ARHGEF12: variants seen among roughly 807,000 people sequenced by gnomAD.
The protein encoded by ARHGEF12 is Rho guanine nucleotide exchange factor 12, also known as KMT2A/ARHGEF12 fusion protein.
Under a neutral mutation model 211.2 loss-of-function variants are expected in ARHGEF12, and 66 were observed. The observed-to-expected ratio is 0.31, with a 90% CI of 0.26 to 0.38. The LOEUF (loss-of-function observed/expected upper bound fraction) is 0.38. Among genes scored for constraint, ARHGEF12 ranks in the 10% least tolerant of loss-of-function variants. The pLI, the probability that ARHGEF12 is intolerant of heterozygous loss-of-function variation, is 1.00. For synonymous variants in ARHGEF12, 592 were observed against 638.4 expected (o/e 0.93, Z 1.09); for missense variants, 1,429 against 1,869.5 (o/e 0.76, Z 4.34).
chr11:120,411,823 A>G (rs2135599948), intron 4 of ARHGEF12: 1 of 151,132 alleles, frequency 6.6e-6, no homozygotes, highest in African/African-American at 2.4e-5. Flanking sequence ...CAGGGGAAAA[A>G]AAAAAAAGAA....
intron 1 of ARHGEF12, among the ~76,000 whole-genome samples, chr11:120,372,214 C>A (rs952216738): frequency 2.0e-5 from 3 of 152,178 alleles, no homozygotes. Flanking sequence ...AAAATGCCTT[C>A]TAGTTACAAA....
At chr11:120,435,296 T>C (rs1945660045) in intron 11 of ARHGEF12, among the ~76,000 whole-genome samples, 2 of 152,102 alleles carry the variant, frequency 1.3e-5, no homozygotes, top group South Asian at 4.1e-4. Context: ...GTATGACATG[T>C]TCCTTTATCT....
At chr11:120,456,509 TAATA>T (rs1208231007) in intron 22 of ARHGEF12, among the ~76,000 whole-genome samples, 1 of 152,100 alleles carries the variant, frequency 6.6e-6, no homozygotes, top group African/African-American at 2.4e-5. Context: ...TAACTAAAGA[TAATA>T]AATCATGAAA....
chr11:120,454,839 G>A (rs11217874), intron 22 of ARHGEF12, among the ~76,000 whole-genome samples: 31,616 of 152,074 alleles, frequency 0.21, 3,602 homozygotes, highest in African/African-American at 0.29. Context: ...AAAAGAGAGC[G>A]AAAAGGAAGC....
At chr11:120,361,494 A>G (rs1943273498) in intron 1 of ARHGEF12, among the ~76,000 whole-genome samples, 1 of 152,176 alleles carries the variant, frequency 6.6e-6, no homozygotes, top group South Asian at 2.1e-4. Context: ...TATAGAATCT[A>G]TTCTTCTGAG....
At chr11:120,342,641 A>G (rs553493519) in intron 1 of ARHGEF12, among the ~76,000 whole-genome samples, 134 of 152,192 alleles carry the variant, frequency 8.8e-4, no homozygotes, top group African/African-American at 3.1e-3. Flanking sequence ...GGTCATTTTG[A>G]TTCACTTTTA....
chr11:120,478,477 A>C, intron 37 of ARHGEF12, 88 bp downstream of exon 37: 1 of 1,207,696 alleles, frequency 8.3e-7, no homozygotes, highest in Admixed American at 1.9e-5. Flanking sequence ...ATCAAACTCC[A>C]CTTATTCTTC....
At chr11:120,388,110 CCCAGGTG>C (rs1944096157) in intron 1 of ARHGEF12, among the ~76,000 whole-genome samples, 2 of 152,124 alleles carry the variant, frequency 1.3e-5, no homozygotes, top group Non-Finnish European at 2.9e-5. Flanking sequence ...CTCACCTATC[CCCAGGTG>C]TACCCATTGA....
At chr11:120,415,509 G>A (rs1288070052) in intron 4 of ARHGEF12, among the ~76,000 whole-genome samples, 1 of 152,168 alleles carries the variant, frequency 6.6e-6, no homozygotes, top group Non-Finnish European at 1.5e-5. Context: ...ATAGTACAAA[G>A]ATATGATAAT....
intron 28 of ARHGEF12, among the ~76,000 whole-genome samples, chr11:120,466,208 C>T (rs918056141): frequency 6.6e-6 from 1 of 152,254 alleles, no homozygotes; most frequent in Non-Finnish European, 1.5e-5. Flanking sequence ...CTGCAGTTTT[C>T]ATCTGATGCT....
chr11:120,430,311 CTTAGAGAGAG>C (rs1230509022), intron 10 of ARHGEF12, among the ~76,000 whole-genome samples: 2 of 152,000 alleles, frequency 1.3e-5, no homozygotes, highest in African/African-American at 4.8e-5. Context: ...TACATATATA[CTTAGAGAGAG>C]TTAGAGAGAT....
intron 30 of ARHGEF12, among the ~76,000 whole-genome samples, chr11:120,470,855 G>C (rs1186971213): frequency 3.3e-5 from 5 of 152,194 alleles, no homozygotes; most frequent in Non-Finnish European, 7.3e-5. Context: ...CACAGAGCCT[G>C]TTCATTTATG....
chr11:120,347,315 G>A (rs1942799167), intron 1 of ARHGEF12, among the ~76,000 whole-genome samples: 1 of 138,050 alleles, frequency 7.2e-6, no homozygotes, highest in South Asian at 2.6e-4. Flanking sequence ...TGTAGCAGAA[G>A]CAGGTAATTA....
intron 1 of ARHGEF12, among the ~76,000 whole-genome samples, chr11:120,364,133 A>G (rs1943356822): frequency 6.6e-6 from 1 of 152,076 alleles, no homozygotes; most frequent in Admixed American, 6.6e-5. Flanking sequence ...TGTTCCCAAT[A>G]CCTGGAAGAA....
In ARHGEF12 at chr11:120,440,135, C is replaced by G; in HGVS notation, c.1006C>G (p.Gln336Glu). 6.2e-7 allele frequency: 1 copy of G among 1,610,974 alleles called. No individual in the cohort carries two copies. The highest frequency in any genetic ancestry group is 1.1e-5 in the South Asian group (1 of 90,248). The change falls in exon 13 of 41, where the codon CAA (glutamine) becomes GAA (glutamate). Residue 336 changes from glutamine to glutamate, a missense_variant. Gln to Glu is a conservative substitution (Grantham distance 29). Transcript: ENST00000397843. ...TTTCCCTGAATGTTGCCAGGACACT[C>G]AATCACTTGTCGGAAGTCCCTCAAC... The part of the protein sequence containing the change: ...KSETIQDTDT[Q>E]SLVGSPSTRI...
At chr11:120,448,529 T>C in intron 20 of ARHGEF12, 181 bp downstream of exon 20, 1 of 590,610 alleles carries the variant, frequency 1.7e-6, no homozygotes, top group Non-Finnish European at 3.0e-6. Flanking sequence ...TCCAGACATA[T>C]AAACTATTAT....
intron 1 of ARHGEF12, among the ~76,000 whole-genome samples, chr11:120,402,970 G>T (rs1317104201): frequency 6.6e-6 from 1 of 152,086 alleles, no homozygotes; most frequent in Non-Finnish European, 1.5e-5. Context: ...AATTAAACTT[G>T]GTTAAAATGT....
chr11:120,352,001 C>T (rs540938762), intron 1 of ARHGEF12, among the ~76,000 whole-genome samples: 44 of 152,208 alleles, frequency 2.9e-4, no homozygotes, highest in African/African-American at 1.0e-3. Context: ...TGGTCACAGT[C>T]GTTTGTGGTT....
chr11:120,346,999 C>T (rs1252506619), intron 1 of ARHGEF12, among the ~76,000 whole-genome samples: 1 of 152,162 alleles, frequency 6.6e-6, no homozygotes, highest in Non-Finnish European at 1.5e-5. Context: ...AGGTGTCAAG[C>T]AGCAGAGCAC....
Sources: allele counts gnomAD v4.1 joint callset (sites outside exome capture counted in the v4.1 genomes callset), GRCh38; gene constraint gnomAD v4.1.1; transcripts MANE v1.5; gene names NCBI Gene and HGNC (gene_info 2026-07-23, HGNC 2026-07-21).